PDE10A: variants seen among roughly 807,000 people sequenced by gnomAD.
The protein encoded by PDE10A is phosphodiesterase 10A, also known as cAMP and cAMP-inhibited cGMP 3',5'-cyclic phosphodiesterase 10A.
Under a neutral mutation model 97.7 loss-of-function variants are expected in PDE10A, and 39 were observed. The observed-to-expected ratio is 0.40, with a 90% confidence interval of 0.31 to 0.52. The LOEUF (loss-of-function observed/expected upper bound fraction) is 0.52, where lower values mean the gene tolerates loss of function less well. Ranked by LOEUF, PDE10A falls within the 20% of genes least tolerant of loss-of-function variation. The probability of loss-of-function intolerance (pLI) is 0.56; values close to 1 mark genes in which losing one functional copy is unlikely to be tolerated. For missense variants in PDE10A, 731 were observed against 1,047.8 expected (o/e 0.70, Z 4.17); for synonymous variants, 371 against 376.8 (o/e 0.98, Z 0.18).
chr6:165,798,079 TA>T (rs1230855596), intron 1 of PDE10A, among the ~76,000 whole-genome samples: 1 of 152,264 alleles, frequency 6.6e-6, no homozygotes, highest in African/African-American at 2.4e-5. Flanking sequence ...CGCTACTCTT[TA>T]AAACATACTT....
chr6:165,542,939 A>T (rs1783539379), intron 2 of PDE10A, among the ~76,000 whole-genome samples: 1 of 152,094 alleles, frequency 6.6e-6, no homozygotes, highest in Non-Finnish European at 1.5e-5. Context: ...TCTTTTACTG[A>T]AAGTTTACTG....
intron 1 of PDE10A, among the ~76,000 whole-genome samples, chr6:165,975,267 A>G (rs1189277607): frequency 1.3e-5 from 2 of 152,166 alleles, no homozygotes; most frequent in Non-Finnish European, 2.9e-5. Flanking sequence ...GCCTTTTTCT[A>G]TAAAGCTTTT....
At chr6:165,569,828 T>C (rs1277475853) in intron 1 of PDE10A, among the ~76,000 whole-genome samples, 2 of 152,334 alleles carry the variant, frequency 1.3e-5, no homozygotes, top group East Asian at 1.9e-4. Context: ...AACCCACATA[T>C]GTTCTTTGCT....
chr6:165,343,520 A>C lies in PDE10A; in HGVS notation c.2784-18T>G, dbSNP rs1459463302. 1 of 1,532,236 alleles carries C rather than the reference A, an allele frequency of 6.5e-7. No individual in the cohort carries two copies. The highest frequency in any genetic ancestry group is 9.0e-7 in the Non-Finnish European group (1 of 1,105,536). 94.9% of individuals were successfully genotyped at this position (1,532,236 alleles called of 1,614,324 possible). On this transcript the variant is annotated intron_variant, in intron 18 of 21. Coordinates refer to ENST00000539869, the MANE Select transcript of PDE10A (RefSeq NM_001385079.1). ...CACGGTCTCTAGAACACAACAATAT[A>C]AGACTGGTCAGCATAGCATTTGCAC...
chr6:165,347,762 T>G (rs762771526), intron 18 of PDE10A, among the ~76,000 whole-genome samples: 1 of 152,188 alleles, frequency 6.6e-6, no homozygotes, highest in Non-Finnish European at 1.5e-5. Flanking sequence ...GAGGCCTTTA[T>G]GCACTTACAG....
intron 1 of PDE10A, among the ~76,000 whole-genome samples, chr6:165,691,752 C>G (rs1052928930): frequency 2.6e-5 from 4 of 152,250 alleles, no homozygotes; most frequent in African/African-American, 7.2e-5. Flanking sequence ...GGTGGCCATG[C>G]CTTCGCCTCT....
At chr6:165,928,727 C>T (rs1008037443) in intron 1 of PDE10A, among the ~76,000 whole-genome samples, 1 of 152,326 alleles carries the variant, frequency 6.6e-6, no homozygotes, top group African/African-American at 2.4e-5. Context: ...CCCCTCTCAA[C>T]CCAGCACACA....
rs1212980208 is a variant in PDE10A at position 165,343,473 on chromosome 6, G to T, written c.2813C>A (p.Ala938Asp). The change falls in exon 19 of 22, where the codon GCC becomes GAC. Residue 938 changes from alanine (A) to aspartate (D), a missense_variant. This residue lies in a region of PDE10A where 96 missense variants were observed against 156.7 expected (regional missense o/e 0.61). Transcript: ENST00000539869. The stretch of plus-strand genomic sequence containing the variant: ...TTTTGTCACAGAACAAAGGTCACAG[G>T]CAGTCATCATCAAACCAATTACACG... Reference protein sequence around the residue: ...RDRVIGLMMTACDLCSVTKLW... With the variant: ...RDRVIGLMMTDCDLCSVTKLW... 1 of 1,613,860 alleles carries T rather than the reference G, an allele frequency of 6.2e-7. No individual in the cohort carries two copies. The highest frequency in any genetic ancestry group is 8.5e-7 in the Non-Finnish European group (1 of 1,179,816).
chr6:165,943,234 A>AGAAAGAAAGAAG (rs1783618763), intron 1 of PDE10A, among the ~76,000 whole-genome samples: 18 of 34,050 alleles, frequency 5.3e-4, no homozygotes, highest in Non-Finnish European at 6.2e-4. Context: ...AAAGAAAGAA[A>AGAAAGAAAGAAG]GAAGGAAGGA....
In PDE10A at chr6:165,858,706, G is replaced by C. The variant is rs117312398; in HGVS notation, c.-615+128823C>G. 1.1e-3 allele frequency among the ~76,000 whole-genome samples: 170 copies of C among 152,314 alleles called. 3 individuals are homozygous for C. The East Asian group carries it at 0.025, about 22-fold the overall frequency. Reference sequence around the variant, plus strand: ...TTTTGAAGGCATGTGTGGTGCCCTAGAAGACATCCAATTCAGCATTGACTC... The same window carrying C: ...TTTTGAAGGCATGTGTGGTGCCCTACAAGACATCCAATTCAGCATTGACTC... On this transcript the variant is annotated intron_variant, in intron 1 of 19. Transcript: ENST00000366882.
intron 1 of PDE10A, among the ~76,000 whole-genome samples, chr6:165,710,488 A>G (rs1791867360): frequency 6.6e-6 from 1 of 152,222 alleles, no homozygotes; most frequent in Non-Finnish European, 1.5e-5. Flanking sequence ...CTAAATACGC[A>G]AACTGATCCC....
intron 1 of PDE10A, among the ~76,000 whole-genome samples, chr6:165,642,099 T>G (rs928417485): frequency 1.5e-4 from 23 of 152,158 alleles, no homozygotes; most frequent in African/African-American, 5.6e-4. Flanking sequence ...ACCATGATTC[T>G]GGAAAGCCAC....
chr6:165,357,170 G>A (rs1783081258), intron 18 of PDE10A, among the ~76,000 whole-genome samples: 1 of 151,980 alleles, frequency 6.6e-6, no homozygotes, highest in Non-Finnish European at 1.5e-5. Context: ...ATTCTGTTGT[G>A]GTGAATTTTG....
intron 1 of PDE10A, among the ~76,000 whole-genome samples, chr6:165,807,043 A>C (rs573503991): frequency 6.6e-6 from 1 of 152,272 alleles, no homozygotes; most frequent in East Asian, 1.9e-4. Context: ...TCTTCATCAC[A>C]TGGAGTTCTT....
At chr6:165,395,933 G>A (rs1310947039) in intron 14 of PDE10A, among the ~76,000 whole-genome samples, 1 of 152,074 alleles carries the variant, frequency 6.6e-6, no homozygotes, top group Non-Finnish European at 1.5e-5. Flanking sequence ...GTCAAACTAT[G>A]ACAAAATTCT....
At position 165,932,510 on chromosome 6, in the gene PDE10A, A is replaced by G. The variant is rs555597227; in HGVS notation, c.-615+55019T>C. Among the ~76,000 whole-genome samples the G allele has an allele frequency of 2.6e-5, 4 of 152,096 alleles. No individual in the cohort carries two copies. In the South Asian group the frequency reaches 8.3e-4, roughly 32 times the overall value. ...ACCACCATGCCTAGCTAATTTTTGT[A>G]TTTTTAGTAAAGACAGGGTTTCACC... On this transcript the variant is annotated intron_variant, in intron 1 of 19. Transcript: ENST00000366882.
At chr6:165,759,747 C>A (rs1793207673) in intron 1 of PDE10A, among the ~76,000 whole-genome samples, 1 of 152,224 alleles carries the variant, frequency 6.6e-6, no homozygotes, top group South Asian at 2.1e-4. Context: ...AATCCAACCT[C>A]CTCAGTGAAA....
In PDE10A at chr6:165,851,321, C is replaced by T. The variant is rs73258112; in HGVS notation, c.-615+136208G>A. 1.2e-3 allele frequency among the ~76,000 whole-genome samples: 190 copies of T among 152,256 alleles called. 1 individual carries two copies. The highest frequency in any genetic ancestry group is 4.4e-3 in the African/African-American group (183 of 41,550). ...GAATTGACTCGATTCCATCAGTTAC[C>T]AGCTGTTATTCTGAATGTTCTCCAA... On this transcript the variant is annotated intron_variant, in intron 1 of 19. Transcript: ENST00000366882.
At chr6:165,491,813 G>A (rs545619046) in intron 2 of PDE10A, among the ~76,000 whole-genome samples, 2 of 150,226 alleles carry the variant, frequency 1.3e-5, no homozygotes, top group African/African-American at 4.9e-5. Flanking sequence ...AAAGAAAAAA[G>A]AACAAAACAA....
Sources: gnomAD v4.1 joint callset for allele counts (sites outside exome capture counted in the v4.1 genomes callset) on GRCh38, gnomAD v4.1.1 for gene constraint, gnomAD v4.1.1 regional missense constraint, MANE v1.5 for transcripts, NCBI Gene and HGNC (gene_info 2026-07-23, HGNC 2026-07-21) for gene names.